FAM13A: variants seen among roughly 807,000 people sequenced by gnomAD.
FAM13A encodes family with sequence similarity 13 member A.
FAM13A carries 76 observed loss-of-function variants against 129.6 expected under a neutral mutation model. The ratio of observed to expected loss-of-function variants is 0.59; its 90% CI spans 0.49 to 0.71. FAM13A has a LOEUF of 0.71. Ranked by LOEUF, FAM13A falls within the 30% of genes least tolerant of loss-of-function variation. FAM13A has a pLI of 0.00. For synonymous variants in FAM13A, 443 were observed against 449.9 expected (o/e 0.98, Z 0.20); for missense variants, 1,108 against 1,249.3 (o/e 0.89, Z 1.70).
chr4:88,881,793 A>G (rs1031878587), intron 6 of FAM13A, among the ~76,000 whole-genome samples: 2 of 152,172 alleles, frequency 1.3e-5, no homozygotes, highest in African/African-American at 4.8e-5. Flanking sequence ...AACAATCACA[A>G]CTTCTGGAAA....
intron 3 of FAM13A, among the ~76,000 whole-genome samples, chr4:89,003,926 A>T (rs956746539): frequency 6.6e-6 from 1 of 152,186 alleles, no homozygotes; most frequent in Non-Finnish European, 1.5e-5. Context: ...AAACCAATTA[A>T]AAGTTATTCA....
intron 8 of FAM13A, 98 bp from the exon 9 acceptor site, chr4:88,790,725 C>T (rs1281968140): frequency 1.0e-6 from 1 of 986,770 alleles, no homozygotes; most frequent in Non-Finnish European, 1.6e-6. Flanking sequence ...GAAATTAGCT[C>T]AGTCCCAAGT....
intron 11 of FAM13A, among the ~76,000 whole-genome samples, chr4:88,777,156 C>T (rs535832080): frequency 1.5e-4 from 23 of 152,070 alleles, no homozygotes; most frequent in Middle Eastern, 3.4e-3. Flanking sequence ...GGAGATGAGC[C>T]AATAGAGAGG....
chr4:89,008,000 T>C (rs1057473551), intron 3 of FAM13A, among the ~76,000 whole-genome samples: 3 of 151,890 alleles, frequency 2.0e-5, no homozygotes, highest in African/African-American at 7.3e-5. Flanking sequence ...ATCATTTTTT[T>C]CCACAGCATT....
chr4:88,748,730 A>G (rs1037363610), intron 17 of FAM13A, among the ~76,000 whole-genome samples: 1 of 152,236 alleles, frequency 6.6e-6, no homozygotes, highest in African/African-American at 2.4e-5. Context: ...ATCCAGGGAA[A>G]TGAAGAAATG....
At chr4:88,871,517 G>A (rs564390516) in intron 6 of FAM13A, among the ~76,000 whole-genome samples, 4 of 152,310 alleles carry the variant, frequency 2.6e-5, no homozygotes, top group South Asian at 4.1e-4. Flanking sequence ...TTCAGTAGCC[G>A]ATTCGATCAA....
chr4:88,951,876 A>G (rs750603914), intron 4 of FAM13A, among the ~76,000 whole-genome samples: 1 of 152,126 alleles, frequency 6.6e-6, no homozygotes, highest in Non-Finnish European at 1.5e-5. Flanking sequence ...AGTCTCTCCA[A>G]CTCATCTTAT....
intron 6 of FAM13A, among the ~76,000 whole-genome samples, chr4:88,860,272 G>T (rs1280800287): frequency 6.6e-6 from 1 of 152,154 alleles, no homozygotes; most frequent in Non-Finnish European, 1.5e-5. Flanking sequence ...ATATTATGGG[G>T]AAAAATTAAG....
At chr4:88,941,497 G>T (rs996178351) in intron 4 of FAM13A, among the ~76,000 whole-genome samples, 1 of 152,208 alleles carries the variant, frequency 6.6e-6, no homozygotes, top group Non-Finnish European at 1.5e-5. Context: ...TTAATGGAAT[G>T]AAGTATTGCA....
intron 11 of FAM13A, among the ~76,000 whole-genome samples, chr4:88,779,242 T>G (rs913267614): frequency 1.1e-4 from 17 of 152,198 alleles, no homozygotes; most frequent in African/African-American, 4.1e-4. Context: ...TGTATAATTT[T>G]TTTAAGCTAT....
intron 5 of FAM13A, among the ~76,000 whole-genome samples, chr4:88,910,654 C>CT (rs201111714): frequency 0.051 from 7,210 of 142,702 alleles, 333 homozygotes; most frequent in East Asian, 0.22. Flanking sequence ...GGTTTTAATT[C>CT]TTTTTTTTTT....
intron 14 of FAM13A, among the ~76,000 whole-genome samples, chr4:88,751,938 C>T (rs936712693): frequency 1.3e-5 from 2 of 152,156 alleles, no homozygotes; most frequent in Non-Finnish European, 2.9e-5. Context: ...ACCTATCATA[C>T]TATAAAATGT....
intron 13 of FAM13A, among the ~76,000 whole-genome samples, chr4:88,760,865 G>A (rs994426359): frequency 1.3e-5 from 2 of 151,590 alleles, no homozygotes; most frequent in African/African-American, 4.9e-5. Context: ...TGGGCGGGGG[G>A]AAGCAAAAGA....
intron 5 of FAM13A, among the ~76,000 whole-genome samples, chr4:88,929,084 G>T (rs908178027): frequency 2.6e-5 from 4 of 152,060 alleles, no homozygotes; most frequent in Admixed American, 2.6e-4. Flanking sequence ...GTCTAGTGGT[G>T]ACAGATTGTC....
chr4:88,943,902 T>C (rs1287832972), intron 4 of FAM13A, among the ~76,000 whole-genome samples: 1 of 152,214 alleles, frequency 6.6e-6, no homozygotes, highest in Non-Finnish European at 1.5e-5. Context: ...ACACATTTTT[T>C]TTCTCTCTCT....
Position 88,726,025 on chromosome 4 carries a change from T to G in FAM13A, c.*2508A>C, listed in dbSNP as rs1274240662. 1 of 152,258 alleles carries G rather than the reference T, an allele frequency of 6.6e-6. No individual in the cohort carries two copies. Among genetic ancestry groups the G allele is most frequent in the Non-Finnish European group, 1.5e-5 (1 of 68,050 alleles). The allele number at this position is 152,258 out of a possible 1,614,324, so 9.4% of individuals were successfully genotyped here. A position where few individuals can be genotyped will look rare whatever the true frequency, so the allele number is the denominator to read the frequency against. ...TTATGAAATAACTCTTGACATTTATTTTGTTGGCATGTGCTAATTAATAAA... is the reference window on the plus strand; with the variant it reads ...TTATGAAATAACTCTTGACATTTATGTTGTTGGCATGTGCTAATTAATAAA... On this transcript the variant is annotated 3_prime_UTR_variant, in exon 24 of 24. Coordinates refer to ENST00000264344, the MANE Select transcript of FAM13A (RefSeq NM_014883.4).
intron 1 of FAM13A, among the ~76,000 whole-genome samples, chr4:89,036,954 G>GA (rs1056930705): frequency 2.0e-5 from 3 of 152,244 alleles, no homozygotes; most frequent in Non-Finnish European, 4.4e-5. Context: ...AGGATGTATT[G>GA]AAACTCCTGA....
At chr4:88,750,049 G>T in intron 15 of FAM13A, 140 bp from the exon 16 acceptor site, 1 of 775,896 alleles carries the variant, frequency 1.3e-6, no homozygotes, top group Non-Finnish European at 2.1e-6. Flanking sequence ...CTCTCCTCTT[G>T]AATAAAAGAC....
In FAM13A at chr4:88,845,643, T is replaced by C. The variant is rs117164223; in HGVS notation, c.1007+5377A>G. Among the ~76,000 whole-genome samples the C allele has an allele frequency of 5.8e-4, 89 of 152,274 alleles. 1 individual carries two copies. The East Asian group carries it at 0.011, about 19-fold the overall frequency. On this transcript the variant is annotated intron_variant, in intron 7 of 23. Transcript: ENST00000264344. ...TGAGATACATTCCTGGGGAAATCCATAGAGATAAGTCTGGAAGAACACATT... is the reference window on the plus strand; with the variant it reads ...TGAGATACATTCCTGGGGAAATCCACAGAGATAAGTCTGGAAGAACACATT...
Sources: allele counts gnomAD v4.1 joint callset (sites outside exome capture counted in the v4.1 genomes callset), GRCh38; gene constraint gnomAD v4.1.1; transcripts MANE v1.5; gene names NCBI Gene and HGNC (gene_info 2026-07-23, HGNC 2026-07-21).